RGS7: variants seen among roughly 807,000 people sequenced by gnomAD.
RGS7 encodes the protein regulator of G protein signaling 7, also known as regulator of G-protein signaling 7.
Under a neutral mutation model 81.1 loss-of-function variants are expected in RGS7, and 27 were observed. The ratio of observed to expected loss-of-function variants is 0.33; its 90% CI spans 0.25 to 0.46. The LOEUF (loss-of-function observed/expected upper bound fraction) is 0.46, where lower values mean the gene tolerates loss of function less well. RGS7 is among the 20% of genes least tolerant of loss of function. The pLI is 1.00. For synonymous variants in RGS7, 208 were observed against 207.7 expected (o/e 1.00, Z -0.01); for missense variants, 396 against 607.4 (o/e 0.65, Z 3.66).
Position 240,881,516 on chromosome 1 carries a change from G to A in RGS7, c.386-11397C>T, listed in dbSNP as rs553621639. Reference sequence around the variant, plus strand: ...AAGTATAATAATAAAAAAAAGCAGGGTTTTCAAAATAATTCTTCAAATAAA... The same window carrying A: ...AAGTATAATAATAAAAAAAAGCAGGATTTTCAAAATAATTCTTCAAATAAA... On this transcript the variant is annotated intron_variant, in intron 6 of 18. Transcript: ENST00000440928. Among the ~76,000 whole-genome samples, 12 of 152,156 alleles carry A rather than the reference G, an allele frequency of 7.9e-5. No individual in the cohort carries two copies. The South Asian group carries it at 2.3e-3, about 29-fold the overall frequency.
intron 9 of RGS7, among the ~76,000 whole-genome samples, chr1:240,848,406 T>G (rs1659484273): frequency 1.3e-5 from 2 of 152,100 alleles, no homozygotes; most frequent in Admixed American, 1.3e-4. Flanking sequence ...GTCTGATAAA[T>G]GCTAATAGAT....
At chr1:241,192,563 GA>G (rs2072767992) in intron 2 of RGS7, among the ~76,000 whole-genome samples, 1 of 152,082 alleles carries the variant, frequency 6.6e-6, no homozygotes, top group Non-Finnish European at 1.5e-5. Context: ...AGTTTTAAAT[GA>G]ATTGGTCAAG....
At chr1:240,792,666 GATTTAT>G (rs1686214856) in intron 18 of RGS7, among the ~76,000 whole-genome samples, 1 of 152,144 alleles carries the variant, frequency 6.6e-6, no homozygotes, top group Non-Finnish European at 1.5e-5. Context: ...AAGCTATCAT[GATTTAT>G]ATTAAGGAAG....
At chr1:240,847,151 T>C (rs1659243933) in intron 9 of RGS7, among the ~76,000 whole-genome samples, 1 of 152,234 alleles carries the variant, frequency 6.6e-6, no homozygotes, top group African/African-American at 2.4e-5. Context: ...TTCCTGATTA[T>C]ACCAGTTCAT....
At chr1:241,284,379 G>C (rs1454975694) in intron 2 of RGS7, among the ~76,000 whole-genome samples, 1 of 152,004 alleles carries the variant, frequency 6.6e-6, no homozygotes, top group African/African-American at 2.4e-5. Flanking sequence ...ATGCCACCTA[G>C]GGGTGGGGGG....
At chr1:241,261,499 C>T (rs1364209198) in intron 2 of RGS7, among the ~76,000 whole-genome samples, 1 of 151,692 alleles carries the variant, frequency 6.6e-6, no homozygotes, top group Non-Finnish European at 1.5e-5. Context: ...TGTGGTGGCA[C>T]GTGCCTGTAG....
intron 3 of RGS7, among the ~76,000 whole-genome samples, chr1:241,053,546 T>G (rs2061349232): frequency 6.6e-6 from 1 of 152,232 alleles, no homozygotes; most frequent in African/African-American, 2.4e-5. Flanking sequence ...ACCTGTTAAC[T>G]CTAGATGGCA....
intron 3 of RGS7, among the ~76,000 whole-genome samples, chr1:241,029,484 A>G (rs1307926739): frequency 2.6e-5 from 4 of 152,350 alleles, no homozygotes; most frequent in Admixed American, 1.3e-4. Context: ...CACATCTGCT[A>G]AAGAACCTTT....
intron 2 of RGS7, among the ~76,000 whole-genome samples, chr1:241,248,966 C>T (rs757034299): frequency 3.3e-5 from 5 of 152,240 alleles, no homozygotes; most frequent in African/African-American, 1.2e-4. Flanking sequence ...GAAAACATTT[C>T]GCCCTGTTTT....
chr1:241,153,879 G>A (rs2068929875), intron 2 of RGS7, among the ~76,000 whole-genome samples: 1 of 152,218 alleles, frequency 6.6e-6, no homozygotes, highest in Non-Finnish European at 1.5e-5. Flanking sequence ...TGAACGTGAG[G>A]AGGATGGGAA....
intron 2 of RGS7, among the ~76,000 whole-genome samples, chr1:241,281,081 A>G (rs1019862039): frequency 1.3e-5 from 2 of 152,224 alleles, no homozygotes; most frequent in African/African-American, 4.8e-5. Flanking sequence ...TAGGTATGCC[A>G]TAAATGCATA....
intron 2 of RGS7, among the ~76,000 whole-genome samples, chr1:241,281,144 CAA>C (rs918336821): frequency 6.6e-6 from 1 of 152,120 alleles, no homozygotes; most frequent in Non-Finnish European, 1.5e-5. Context: ...AAAATATACA[CAA>C]GTCTATTAAA....
At chr1:240,876,970 A>G (rs555279663) in intron 6 of RGS7, among the ~76,000 whole-genome samples, 17 of 151,800 alleles carry the variant, frequency 1.1e-4, no homozygotes, top group African/African-American at 4.1e-4. Flanking sequence ...TTTCCAAAAA[A>G]CCCCCAAAAA....
At chr1:241,184,123 G>T (rs185011590) in intron 2 of RGS7, among the ~76,000 whole-genome samples, 1 of 152,030 alleles carries the variant, frequency 6.6e-6, no homozygotes, top group African/African-American at 2.4e-5. Context: ...GAGAAATAAT[G>T]AATGTCATTT....
intron 2 of RGS7, among the ~76,000 whole-genome samples, chr1:241,331,608 G>A (rs921394709): frequency 4.6e-5 from 7 of 152,144 alleles, no homozygotes; most frequent in Non-Finnish European, 1.0e-4. Flanking sequence ...TAGCAATTGT[G>A]TTTGTTACTC....
At chr1:240,822,132 G>T (rs1370232454) in intron 10 of RGS7, among the ~76,000 whole-genome samples, 1 of 152,150 alleles carries the variant, frequency 6.6e-6, no homozygotes, top group Non-Finnish European at 1.5e-5. Context: ...TTCACAATGC[G>T]GGTGGGCCTC....
intron 6 of RGS7, chr1:240,920,292 A>G: frequency 7.3e-7 from 1 of 1,371,586 alleles, no homozygotes. Context: ...TGGGAATGAC[A>G]ACTTTGGTCG....
chr1:240,923,700 A>G (rs1000212985), intron 6 of RGS7, among the ~76,000 whole-genome samples: 2 of 143,398 alleles, frequency 1.4e-5, no homozygotes, highest in Non-Finnish European at 3.1e-5. Context: ...TAAATGCCAA[A>G]TGGAATCCAG....
At chr1:241,182,440 C>A (rs77833218) in intron 2 of RGS7, among the ~76,000 whole-genome samples, 2,098 of 152,288 alleles carry the variant, frequency 0.014, 51 homozygotes, top group African/African-American at 0.048. Context: ...TTGGGACACA[C>A]AACCCCCAGC....
Sources: allele counts gnomAD v4.1 joint callset (sites outside exome capture counted in the v4.1 genomes callset), GRCh38; gene constraint gnomAD v4.1.1; transcripts MANE v1.5; gene names NCBI Gene and HGNC (gene_info 2026-07-23, HGNC 2026-07-21).